WNT5B: variants seen among roughly 807,000 people sequenced by gnomAD.
WNT5B encodes protein Wnt-5b.
WNT5B carries 18 observed loss-of-function variants against 36.5 expected under a neutral mutation model. That is an observed-to-expected ratio of 0.49 (90% CI 0.34 to 0.73). WNT5B has a LOEUF of 0.73. Ranked by LOEUF, WNT5B falls within the 30% of genes least tolerant of loss-of-function variation. The probability of loss-of-function intolerance (pLI) is 0.01; values close to 1 mark genes in which losing one functional copy is unlikely to be tolerated. For missense variants in WNT5B, 424 were observed against 508.4 expected (o/e 0.83, Z 1.60); for synonymous variants, 213 against 212.3 (o/e 1.00, Z -0.03).
chr12:1,626,398 G>C (rs2094541053), upstream of WNT5B, among the ~76,000 whole-genome samples: 1 of 151,804 alleles, frequency 6.6e-6, no homozygotes, highest in South Asian at 2.1e-4. Context: ...CGAGTAGCTG[G>C]GATTACAGGT....
upstream of WNT5B, among the ~76,000 whole-genome samples, chr12:1,628,648 G>A (rs1266403038): frequency 1.3e-5 from 2 of 152,180 alleles, no homozygotes; most frequent in Admixed American, 6.5e-5. Context: ...AATGTGACCT[G>A]CTCATTAACA....
At chr12:1,617,853 C>A (rs75832021) in intron 1 of WNT5B, among the ~76,000 whole-genome samples, 6,062 of 152,088 alleles carry the variant, frequency 0.04, 188 homozygotes, top group East Asian at 0.1. Flanking sequence ...GTCAAAGACA[C>A]TTGGGCTGGG....
rs2154439514 is a variant in WNT5B at position 1,630,349 on chromosome 12, C to T, written c.-57-949C>T. 5 of 562,320 alleles carry T rather than the reference C, an allele frequency of 8.9e-6. No individual in the cohort carries two copies. The highest frequency in any genetic ancestry group is 1.1e-5 in the Non-Finnish European group (5 of 442,824). The allele number at this position is 562,320 out of a possible 1,614,324, so 34.8% of individuals were successfully genotyped here. A position where few individuals can be genotyped will look rare whatever the true frequency, so the allele number is the denominator to read the frequency against. ...CGCAGGCTCGCTCTAGCAGCACTGA[C>T]CTGCTGCGGGTCCCAGGGCCTGGGG... is the stretch of plus-strand genomic sequence containing the variant. On this transcript the variant is annotated intron_variant, in intron 1 of 4. Coordinates refer to ENST00000397196, the MANE Select transcript of WNT5B (RefSeq NM_032642.3). The surrounding 1 kb of genome is among the most constrained non-coding windows in gnomAD (Gnocchi z 5.3).
chr12:1,619,741 G>C (rs1186997575), intron 1 of WNT5B, among the ~76,000 whole-genome samples: 1 of 152,088 alleles, frequency 6.6e-6, no homozygotes, highest in African/African-American at 2.4e-5. Flanking sequence ...GTCGGCTCCT[G>C]GCGTAGCGGC....
chr12:1,635,581 GA>G (rs1211771951), intron 3 of WNT5B, among the ~76,000 whole-genome samples: 2 of 152,256 alleles, frequency 1.3e-5, no homozygotes, highest in African/African-American at 4.8e-5. Context: ...CTGGTCTGAG[GA>G]ACTGTGTAGA....
rs79729077 is a variant in WNT5B, at chr12:1,632,209, G to C, written c.81-449G>C. 0.012 allele frequency among the ~76,000 whole-genome samples: 1,783 copies of C among 152,350 alleles called. 31 individuals carry two copies. Among genetic ancestry groups the C allele is most frequent in the African/African-American group, 0.04 (1,676 of 41,584 alleles). The stretch of plus-strand genomic sequence containing the variant: ...CATGTACTTGGGCTGCACTGAACTA[G>C]TCACTCCTACTCATTGAATGAGGCC... On this transcript the variant is annotated intron_variant, in intron 2 of 4. Transcript: ENST00000397196. The surrounding 1 kb of genome is among the most constrained non-coding windows in gnomAD (Gnocchi z 5.8).
At chr12:1,627,253 G>A (rs898702110), upstream of WNT5B, among the ~76,000 whole-genome samples, 12 of 152,228 alleles carry the variant, frequency 7.9e-5, no homozygotes, top group Non-Finnish European at 1.5e-5. This position sits in a 1 kb window ranked among gnomAD's most constrained non-coding sequence, Gnocchi z 5.0. Context: ...ACCTAGGCTC[G>A]TGGCTATTTC....
At chr12:1,627,812 A>G (rs988096839), upstream of WNT5B, among the ~76,000 whole-genome samples, 4 of 152,104 alleles carry the variant, frequency 2.6e-5, no homozygotes, top group Non-Finnish European at 5.9e-5. This position sits in a 1 kb window ranked among gnomAD's most constrained non-coding sequence, Gnocchi z 5.0. Flanking sequence ...TAGTCTTCCC[A>G]AGAACCCTAC....
At chr12:1,628,909 GGT>G (rs1416526055), upstream of WNT5B, among the ~76,000 whole-genome samples, 1 of 151,908 alleles carries the variant, frequency 6.6e-6, no homozygotes, top group African/African-American at 2.4e-5. Flanking sequence ...TGAGGGGGCT[GGT>G]GTGTGTGTTG....
At chr12:1,629,635 A>G (rs1299919144) in intron 1 of WNT5B, among the ~76,000 whole-genome samples, 4 of 151,942 alleles carry the variant, frequency 2.6e-5, no homozygotes, top group African/African-American at 4.8e-5. Context: ...GGATATTTGG[A>G]CAAGGAAACG....
rs1221149532 is a variant in WNT5B, at chr12:1,646,148, T to C, written c.976T>C (p.Phe326Leu). The C allele has an allele frequency of 6.2e-7, 1 of 1,613,770 alleles. No individual in the cohort carries two copies. Among genetic ancestry groups the C allele is most frequent in the Admixed American group, 1.7e-5 (1 of 60,030 alleles). ...GTGCTGCGGGCGTGGCTACAACCAG[T>C]TCAAGAGCGTGCAGGTGGAGCGCTG... Reference protein sequence around the residue: ...LMCCGRGYNQFKSVQVERCHC... With the variant: ...LMCCGRGYNQLKSVQVERCHC... Residue 326 changes from phenylalanine to leucine, a missense_variant, in exon 5 of 5, where the codon TTC becomes CTC. Transcript: ENST00000397196.
chr12:1,631,331 C>G lies in WNT5B; in HGVS notation c.-24C>G, dbSNP rs1256583523. 1.9e-6 allele frequency: 3 copies of G among 1,613,668 alleles called. No individual in the cohort carries two copies. In the African/African-American group the frequency reaches 4.0e-5, roughly 22 times the overall value. ...ACTCTGGAAACTGTCAGTCCCAGGG[C>G]ACTGGGGAGGGCTGAGGCCGACCAT... On this transcript the variant is annotated 5_prime_UTR_variant, in exon 2 of 5. Transcript: ENST00000397196.
At chr12:1,640,789 C>T (rs1175821984) in intron 4 of WNT5B, among the ~76,000 whole-genome samples, 4 of 152,236 alleles carry the variant, frequency 2.6e-5, no homozygotes, top group African/African-American at 9.6e-5. Context: ...TGTCCCCCAT[C>T]GTGGCTGCCT....
chr12:1,622,734 C>T (rs1164580754), intron 1 of WNT5B, among the ~76,000 whole-genome samples: 1 of 152,198 alleles, frequency 6.6e-6, no homozygotes, highest in Non-Finnish European at 1.5e-5. Context: ...ATCCTATCCA[C>T]TGGGGAGAAA....
upstream of WNT5B, among the ~76,000 whole-genome samples, chr12:1,627,290 C>A (rs1194024567): frequency 6.6e-6 from 1 of 152,172 alleles, no homozygotes; most frequent in Non-Finnish European, 1.5e-5. The surrounding 1 kb of genome is among the most constrained non-coding windows in gnomAD (Gnocchi z 5.0). Context: ...TGTGACGGTG[C>A]CTGTCTGAGG....
At chr12:1,622,449 A>T (rs1346857587) in intron 1 of WNT5B, among the ~76,000 whole-genome samples, 1 of 152,108 alleles carries the variant, frequency 6.6e-6, no homozygotes, top group Non-Finnish European at 1.5e-5. Flanking sequence ...AATGTTACTT[A>T]TGTCTTTGAG....
chr12:1,635,983 G>A (rs2094559921), intron 3 of WNT5B, among the ~76,000 whole-genome samples: 1 of 152,112 alleles, frequency 6.6e-6, no homozygotes, highest in African/African-American at 2.4e-5. Flanking sequence ...TAGGGCCAAG[G>A]GAGAGATTTC....
intron 2 of WNT5B, 99 bp downstream of exon 2, chr12:1,631,533 A>G: frequency 6.3e-7 from 1 of 1,576,888 alleles, no homozygotes; most frequent in South Asian, 1.1e-5. Flanking sequence ...TAGTACCTTG[A>G]TTCCTGGGAG....
At chr12:1,623,628 T>C (rs1306642468) in intron 1 of WNT5B, among the ~76,000 whole-genome samples, 1 of 152,188 alleles carries the variant, frequency 6.6e-6, no homozygotes, top group Admixed American at 6.5e-5. Context: ...GCTGAGGACA[T>C]AGTTTCTTGG....
Sources: gnomAD v4.1 joint callset for allele counts (sites outside exome capture counted in the v4.1 genomes callset) on GRCh38, gnomAD v4.1.1 for gene constraint, Gnocchi (gnomAD v3.1) non-coding constraint, MANE v1.5 for transcripts, NCBI Gene and HGNC (gene_info 2026-07-23, HGNC 2026-07-21) for gene names.